SPAG17: variants seen among roughly 807,000 people sequenced by gnomAD.
The protein encoded by SPAG17 is sperm-associated antigen 17.
Under a neutral mutation model 273.6 loss-of-function variants are expected in SPAG17, and 169 were observed. The observed-to-expected ratio is 0.62, with a 90% CI of 0.55 to 0.70. SPAG17 has a LOEUF of 0.70. SPAG17 is among the 30% of genes least tolerant of loss of function. The probability of loss-of-function intolerance (pLI) is 0.00; values close to 1 mark genes in which losing one functional copy is unlikely to be tolerated. For missense variants in SPAG17, 2,557 were observed against 2,627.8 expected (o/e 0.97, Z 0.59); for synonymous variants, 825 against 873.2 (o/e 0.94, Z 0.97).
intron 8 of SPAG17, 151 bp from the exon 9 acceptor site, chr1:118,092,153 A>G: frequency 1.4e-6 from 1 of 695,026 alleles, no homozygotes; most frequent in Non-Finnish European, 2.5e-6. Context: ...GAACCAAAGG[A>G]AAAGAGTTTT....
At chr1:118,066,920 A>G in intron 17 of SPAG17, 21 bp from the exon 18 acceptor site, 1 of 1,589,570 alleles carries the variant, frequency 6.3e-7, no homozygotes, top group East Asian at 2.3e-5. Context: ...AAATAATTGC[A>G]TTGTAGAATC....
At chr1:117,994,660 G>A in intron 34 of SPAG17, 130 bp from the exon 35 acceptor site, 1 of 907,178 alleles carries the variant, frequency 1.1e-6, no homozygotes, top group Non-Finnish European at 1.6e-6. Context: ...GAGACACAAT[G>A]ACTATACTTA....
intron 28 of SPAG17, among the ~76,000 whole-genome samples, chr1:118,020,341 C>T (rs1660379281): frequency 6.6e-6 from 1 of 150,918 alleles, no homozygotes; most frequent in Non-Finnish European, 1.5e-5. Context: ...GGCTGAGGCA[C>T]GAGAATTGCT....
At chr1:118,148,412 A>G (rs978766945) in intron 3 of SPAG17, among the ~76,000 whole-genome samples, 1 of 152,204 alleles carries the variant, frequency 6.6e-6, no homozygotes, top group South Asian at 2.1e-4. Context: ...GCAAGGTGCT[A>G]GCTCAGGTGG....
intron 6 of SPAG17, among the ~76,000 whole-genome samples, chr1:118,098,815 T>A (rs1655876571): frequency 6.6e-6 from 1 of 152,212 alleles, no homozygotes; most frequent in Admixed American, 6.5e-5. Context: ...ATTAGTATTA[T>A]CAAGGGTAGC....
At chr1:118,150,508 A>T (rs1352194770) in intron 3 of SPAG17, 35 bp downstream of exon 3, 2 of 1,220,312 alleles carry the variant, frequency 1.6e-6, no homozygotes, top group Non-Finnish European at 2.3e-6. Flanking sequence ...TTTTCTAAAA[A>T]CACAAAAATA....
Position 118,085,929 on chromosome 1 carries a change from A to C in SPAG17, c.1755T>G (p.Cys585Trp), listed in dbSNP as rs768298109. 6.2e-7 allele frequency: 1 copy of C among 1,604,702 alleles called. No individual in the cohort carries two copies. The highest frequency in any genetic ancestry group is 2.3e-5 in the East Asian group (1 of 44,240). The change falls in exon 13 of 49, where the codon TGT (cysteine) becomes TGG (tryptophan). Residue 585 changes from cysteine (C) to tryptophan (W), a missense_variant. Coordinates refer to ENST00000336338, the MANE Select transcript of SPAG17 (RefSeq NM_206996.4). Reference protein sequence around the residue: ...LATIHELMHFCTSDVLSWNEV... With the variant: ...LATIHELMHFWTSDVLSWNEV... ...ACAAAGCAATGGACTCACCACTCGT[A>C]CAAAAGTGCATAAGCTCATGAATTG...
chr1:118,147,612 C>A (rs1374311366), intron 3 of SPAG17, among the ~76,000 whole-genome samples: 1 of 152,182 alleles, frequency 6.6e-6, no homozygotes, highest in African/African-American at 2.4e-5. Flanking sequence ...CAAATCTAAG[C>A]AGCTTTTCAA....
At chr1:118,041,692 C>G (rs767288017) in intron 21 of SPAG17, 111 bp downstream of exon 21, 2 of 1,398,560 alleles carry the variant, frequency 1.4e-6, no homozygotes. Context: ...CAGAAGAAAC[C>G]CTAGGCCTAC....
intron 32 of SPAG17, among the ~76,000 whole-genome samples, chr1:117,997,960 CA>C (rs1369906101): frequency 6.6e-6 from 1 of 151,956 alleles, no homozygotes; most frequent in Non-Finnish European, 1.5e-5. Flanking sequence ...TGTTGAAAGA[CA>C]AAGAAGCAAA....
At chr1:118,034,340 T>C (rs1357532608) in intron 24 of SPAG17, among the ~76,000 whole-genome samples, 1 of 152,210 alleles carries the variant, frequency 6.6e-6, no homozygotes, top group Non-Finnish European at 1.5e-5. Flanking sequence ...AAAATGTCCT[T>C]GTACAGTCTA....
At position 118,025,388 on chromosome 1, in the gene SPAG17, G is replaced by A. The variant is rs1056677697; in HGVS notation, c.3759C>T (p.Thr1253=). The change falls in exon 27 of 49, where the codon ACC becomes ACT. Residue 1253 remains threonine (T), a synonymous_variant. Coordinates refer to ENST00000336338, the MANE Select transcript of SPAG17 (RefSeq NM_206996.4). Reference sequence around the variant, plus strand: ...AGCTCTGACGGACCATGATGTCCCAGGTGGGTTCCTCATCTATAACATATT... The same window carrying A: ...AGCTCTGACGGACCATGATGTCCCAAGTGGGTTCCTCATCTATAACATATT... The part of the protein sequence containing the change: ...TGQYVIDEEP[T]WDIMVRQSYP... 1.3e-6 allele frequency: 2 copies of A among 1,597,970 alleles called. No individual in the cohort carries two copies. Among genetic ancestry groups the A allele is most frequent in the Non-Finnish European group, 1.7e-6 (2 of 1,174,022 alleles).
chr1:118,088,488 T>C (rs916142812), intron 10 of SPAG17, among the ~76,000 whole-genome samples: 5 of 152,168 alleles, frequency 3.3e-5, no homozygotes, highest in African/African-American at 2.4e-5. Context: ...AAAAACTTCA[T>C]GGAGCAATTA....
chr1:118,180,803 G>A (rs2102410367), intron 1 of SPAG17, among the ~76,000 whole-genome samples: 1 of 152,034 alleles, frequency 6.6e-6, no homozygotes. Context: ...CTAGATAGTA[G>A]CTGAAAGCTA....
rs375295572 is a variant in SPAG17 at position 118,151,422 on chromosome 1, C to T, written c.88-53G>A. ...TTAAATATTCCTGAATAGGTCATTT[C>T]GTGTCAAATATTTCCACTGAGAAGC... On this transcript the variant is annotated intron_variant, in intron 1 of 48. Coordinates refer to ENST00000336338, the MANE Select transcript of SPAG17 (RefSeq NM_206996.4). 1.6e-5 allele frequency: 24 copies of T among 1,462,350 alleles called. No homozygotes were observed. In the East Asian group the frequency reaches 2.6e-4, roughly 16 times the overall value. 90.6% of individuals were successfully genotyped at this position (1,462,350 alleles called of 1,614,324 possible).
At position 117,999,778 on chromosome 1, in the gene SPAG17, G is replaced by A. The variant is rs1418127533; in HGVS notation, c.4777-3035C>T. 2.0e-5 allele frequency among the ~76,000 whole-genome samples: 3 copies of A among 152,126 alleles called. No individual in the cohort carries two copies. The South Asian group carries it at 6.2e-4, about 31-fold the overall frequency. On this transcript the variant is annotated intron_variant, in intron 32 of 48. Coordinates refer to ENST00000336338, the MANE Select transcript of SPAG17 (RefSeq NM_206996.4). Reference sequence around the variant, plus strand: ...TTTTCTCCCATTCTGTAGGTTGCCTGTTCACTCTGATGGTAGTTTCTTTTG... The same window carrying A: ...TTTTCTCCCATTCTGTAGGTTGCCTATTCACTCTGATGGTAGTTTCTTTTG...
intron 3 of SPAG17, among the ~76,000 whole-genome samples, chr1:118,138,692 C>A (rs1388143873): frequency 2.6e-5 from 4 of 152,090 alleles, no homozygotes; most frequent in African/African-American, 4.8e-5. Flanking sequence ...CAGGAAAGCA[C>A]CAGCAATTAC....
At chr1:118,102,947 C>A (rs1377956375) in intron 4 of SPAG17, among the ~76,000 whole-genome samples, 2 of 152,160 alleles carry the variant, frequency 1.3e-5, no homozygotes, top group African/African-American at 4.8e-5. Flanking sequence ...GCACCTATGG[C>A]TCTAGTGGTG....
intron 34 of SPAG17, among the ~76,000 whole-genome samples, chr1:117,995,694 TA>T (rs1269212798): frequency 9.2e-6 from 1 of 108,290 alleles, no homozygotes; most frequent in African/African-American, 3.7e-5. Flanking sequence ...AAAGATGAAA[TA>T]ACACACACAC....
Sources: gnomAD v4.1 joint callset for allele counts (sites outside exome capture counted in the v4.1 genomes callset) on GRCh38, gnomAD v4.1.1 for gene constraint, MANE v1.5 for transcripts, NCBI Gene and HGNC (gene_info 2026-07-23, HGNC 2026-07-21) for gene names.